Variants in FAM120B observed in about 807,000 individuals in gnomAD.
FAM120B encodes constitutive coactivator of peroxisome proliferator-activated receptor gamma.
In FAM120B, 83 loss-of-function variants were observed where a neutral mutation model predicts 96.3. That is an observed-to-expected ratio of 0.86 (90% CI 0.72 to 1.03). The LOEUF (loss-of-function observed/expected upper bound fraction) is 1.03. Ranked by LOEUF, FAM120B falls within the 50% of genes least tolerant of loss-of-function variation. The pLI, the probability that FAM120B is intolerant of heterozygous loss-of-function variation, is 0.00. For missense variants in FAM120B, 1,027 were observed against 1,121.2 expected, an observed-to-expected ratio of 0.92 and a Z score of 1.20; for synonymous variants, 407 against 402.7, an observed-to-expected ratio of 1.01 and a Z score of -0.13.
chr6:170,336,748 G>A (rs1185125293), intron 4 of FAM120B, among the ~76,000 whole-genome samples: 15 of 152,060 alleles, frequency 9.9e-5, no homozygotes, highest in South Asian at 2.1e-4. Flanking sequence ...GGTCCTTCAC[G>A]TCATTTGTAA....
intron 1 of FAM120B, among the ~76,000 whole-genome samples, chr6:170,307,789 G>A (rs1419681786): frequency 6.6e-6 from 1 of 152,182 alleles, no homozygotes; most frequent in African/African-American, 2.4e-5. Flanking sequence ...AGACAAAAAG[G>A]CTTTTGTCGT....
intron 4 of FAM120B, among the ~76,000 whole-genome samples, chr6:170,347,814 T>A (rs1340435817): frequency 6.6e-6 from 1 of 152,214 alleles, no homozygotes; most frequent in African/African-American, 2.4e-5. Context: ...AAGTGCTCCA[T>A]CAGCTGTGAT....
In FAM120B at chr6:170,317,642, G is replaced by C; in HGVS notation, c.252G>C (p.Lys84Asn). Residue 84 changes from lysine (K) to asparagine (N), a missense_variant, in exon 2 of 11, where the codon AAG becomes AAC. This residue lies in a region of FAM120B where 880 missense variants were observed against 980.9 expected (regional missense o/e 0.90). Transcript: ENST00000476287. ...AAACTTTTACGGCAGCTGGGATCAA[G>C]TTGATATTCTTCTTTGATGGCATGG... The part of the protein sequence containing the change: ...FVKTFTAAGI[K>N]LIFFFDGMVE... 6.2e-7 allele frequency: 1 copy of C among 1,614,192 alleles called. No individual in the cohort carries two copies. Among genetic ancestry groups the C allele is most frequent in the Admixed American group, 1.7e-5 (1 of 60,028 alleles).
At chr6:170,357,681 A>T (rs1788040903) in intron 5 of FAM120B, among the ~76,000 whole-genome samples, 1 of 152,122 alleles carries the variant, frequency 6.6e-6, no homozygotes, top group Non-Finnish European at 1.5e-5. Context: ...TTTGTCCCAA[A>T]CGTGATCAAC....
At chr6:170,371,779 G>A (rs1179962056) in intron 6 of FAM120B, among the ~76,000 whole-genome samples, 5 of 152,294 alleles carry the variant, frequency 3.3e-5, no homozygotes, top group East Asian at 1.9e-4. Context: ...CATTCGTTCC[G>A]AGACAGGAAG....
intron 3 of FAM120B, among the ~76,000 whole-genome samples, chr6:170,326,780 C>G (rs1271617935): frequency 1.3e-5 from 2 of 152,080 alleles, no homozygotes; most frequent in African/African-American, 2.4e-5. Flanking sequence ...ACTCTGTTGC[C>G]CAGGCTGGAG....
At chr6:170,321,592 T>A (rs928426755) in intron 2 of FAM120B, among the ~76,000 whole-genome samples, 19 of 152,332 alleles carry the variant, frequency 1.2e-4, no homozygotes, top group African/African-American at 4.3e-4. Flanking sequence ...TTGCCCAGGC[T>A]GGCCTTGAAC....
At chr6:170,304,946 A>G (rs1426702430), upstream of FAM120B, among the ~76,000 whole-genome samples, 1 of 152,110 alleles carries the variant, frequency 6.6e-6, no homozygotes, top group Non-Finnish European at 1.5e-5. Context: ...GAGGTCTCAG[A>G]TCAGGCACCA....
intron 5 of FAM120B, among the ~76,000 whole-genome samples, chr6:170,349,051 A>G (rs1359373309): frequency 1.3e-5 from 2 of 152,212 alleles, no homozygotes; most frequent in African/African-American, 2.4e-5. Flanking sequence ...CCTTTTTAAT[A>G]GTTTTCTACA....
rs1378604888 is a variant in FAM120B at position 170,395,488 on chromosome 6, G to A, written c.2601G>A (p.Gly867=). The A allele has an allele frequency of 3.1e-6, 5 of 1,588,782 alleles. No individual in the cohort carries two copies. The highest frequency in any genetic ancestry group is 4.3e-6 in the Non-Finnish European group (5 of 1,166,870). The change falls in exon 9 of 11, where the codon GGG becomes GGA. Residue 867 remains glycine (G), a splice_region_variant and synonymous_variant. Coordinates refer to ENST00000476287, the MANE Select transcript of FAM120B (RefSeq NM_032448.3). Reference sequence around the variant, plus strand: ...TCTTCTGACTATGTGTTCCCACAGGGAGGTGGGGAAGACAGGGCTCCAGCT... The same window carrying A: ...TCTTCTGACTATGTGTTCCCACAGGAAGGTGGGGAAGACAGGGCTCCAGCT... The part of the protein sequence containing the change: ...GRAHWGSHHA[G]RWGRQGSSYH...
intron 6 of FAM120B, among the ~76,000 whole-genome samples, chr6:170,365,085 C>T: frequency 6.6e-6 from 1 of 152,228 alleles, no homozygotes; most frequent in East Asian, 1.9e-4. Context: ...GGCACGTACT[C>T]CTGCCGAAAC....
Position 170,306,766 on chromosome 6 carries a change from C to CGGCTGTGGCGGT in FAM120B, c.-92_-81dup, listed in dbSNP as rs1435953811. 3 of 153,304 alleles carry CGGCTGTGGCGGT rather than the reference C, an allele frequency of 2.0e-5. No homozygotes were observed. In the East Asian group the frequency reaches 5.7e-4, roughly 29 times the overall value. The allele number at this position is 153,304 out of a possible 1,614,324, so 9.5% of individuals were successfully genotyped here. On this transcript the variant is annotated 5_prime_UTR_variant, in exon 1 of 11. Coordinates refer to ENST00000476287, the MANE Select transcript of FAM120B (RefSeq NM_032448.3). ...TGAGCGGAAGCGGAAGTGAACGAGG[C>CGGCTGTGGCGGT]GGCTGTGGCGGTGGCTGAGGCGGCT...
chr6:170,397,899 AGACT>A (rs1365389093), intron 9 of FAM120B, among the ~76,000 whole-genome samples: 2 of 152,230 alleles, frequency 1.3e-5, no homozygotes, highest in Non-Finnish European at 2.9e-5. Context: ...TCTTTCGGGC[AGACT>A]GACTGGGCAG....
intron 6 of FAM120B, among the ~76,000 whole-genome samples, chr6:170,364,594 A>G (rs562881361): frequency 1.3e-5 from 2 of 152,238 alleles, no homozygotes; most frequent in African/African-American, 2.4e-5. Flanking sequence ...TGGTTCAGCA[A>G]AGTGTTTGTG....
intron 3 of FAM120B, among the ~76,000 whole-genome samples, chr6:170,324,319 A>G (rs11752880): frequency 0.057 from 8,744 of 152,280 alleles, 346 homozygotes; most frequent in Middle Eastern, 0.095. Context: ...TCCCATACAT[A>G]CTGCAAGAGT....
chr6:170,370,429 A>G lies in FAM120B; in HGVS notation c.2283+12111A>G, dbSNP rs979019052. Among the ~76,000 whole-genome samples the G allele has an allele frequency of 1.3e-5, 2 of 152,136 alleles. No individual in the cohort carries two copies. Among genetic ancestry groups the G allele is most frequent in the Non-Finnish European group, 2.9e-5 (2 of 68,022 alleles). On this transcript the variant is annotated intron_variant, in intron 6 of 10. Coordinates refer to ENST00000476287, the MANE Select transcript of FAM120B (RefSeq NM_032448.3). The surrounding 1 kb of genome is among the most constrained non-coding windows in gnomAD (Gnocchi z 4.3). Reference sequence around the variant, plus strand: ...GTGAGGCAGAGGACCCTGTTTCTGTAGGGCTCCCAGTTTCTCTGTGCCCCT... The same window carrying G: ...GTGAGGCAGAGGACCCTGTTTCTGTGGGGCTCCCAGTTTCTCTGTGCCCCT...
intron 3 of FAM120B, among the ~76,000 whole-genome samples, chr6:170,327,512 T>C (rs542942656): frequency 6.6e-6 from 1 of 152,354 alleles, no homozygotes; most frequent in African/African-American, 2.4e-5. Flanking sequence ...CTTTAAATTA[T>C]AGGCTTTATA....
At chr6:170,329,684 G>A (rs1411519684) in intron 3 of FAM120B, among the ~76,000 whole-genome samples, 2 of 151,988 alleles carry the variant, frequency 1.3e-5, no homozygotes, top group African/African-American at 2.4e-5. Context: ...TGGAAGTGCT[G>A]TGAAATGCAG....
At chr6:170,373,025 A>G (rs947690602) in intron 6 of FAM120B, among the ~76,000 whole-genome samples, 1 of 152,252 alleles carries the variant, frequency 6.6e-6, no homozygotes, top group African/African-American at 2.4e-5. Flanking sequence ...TACAAGTATC[A>G]TTTTACATAA....
Sources: gnomAD v4.1 joint callset for allele counts (sites outside exome capture counted in the v4.1 genomes callset) on GRCh38, gnomAD v4.1.1 for gene constraint, gnomAD v4.1.1 regional missense constraint, Gnocchi (gnomAD v3.1) non-coding constraint, MANE v1.5 for transcripts, NCBI Gene and HGNC (gene_info 2026-07-23, HGNC 2026-07-21) for gene names.